Variants in SORCS3 observed in about 807,000 individuals in gnomAD.
SORCS3 encodes VPS10 domain-containing receptor SorCS3.
A neutral mutation model predicts 146.3 loss-of-function variants in SORCS3; 57 were observed. The ratio of observed to expected loss-of-function variants is 0.39; its 90% confidence interval spans 0.31 to 0.49. The LOEUF (loss-of-function observed/expected upper bound fraction) is 0.49. Ranked by LOEUF, SORCS3 falls within the 20% of genes least tolerant of loss-of-function variation. The pLI, the probability that SORCS3 is intolerant of heterozygous loss-of-function variation, is 0.92. For synonymous variants in SORCS3, 653 were observed against 618.5 expected, an observed-to-expected ratio of 1.06 and a Z score of -0.83; for missense variants, 1,341 against 1,575.5, an observed-to-expected ratio of 0.85 and a Z score of 2.52.
intron 1 of SORCS3, among the ~76,000 whole-genome samples, chr10:104,735,906 G>C (rs2016765971): frequency 6.6e-6 from 1 of 152,050 alleles, no homozygotes; most frequent in South Asian, 2.1e-4. Flanking sequence ...CCCAAGAAAA[G>C]AAATGCAGCC....
At chr10:104,642,752 C>G (rs2015441505) in intron 1 of SORCS3, among the ~76,000 whole-genome samples, 1 of 152,242 alleles carries the variant, frequency 6.6e-6, no homozygotes, top group African/African-American at 2.4e-5. Context: ...CCACAAACGG[C>G]TCCCTGAGCG....
intron 1 of SORCS3, among the ~76,000 whole-genome samples, chr10:104,736,774 CT>C (rs141199251): frequency 0.016 from 2,268 of 145,926 alleles, 56 homozygotes; most frequent in South Asian, 0.07. Flanking sequence ...GGCATGTTTT[CT>C]TTTTTTTTTT....
intron 4 of SORCS3, among the ~76,000 whole-genome samples, chr10:105,000,620 G>A (rs2055055366): frequency 6.6e-6 from 1 of 152,072 alleles, no homozygotes; most frequent in South Asian, 2.1e-4. Context: ...CATATTCATA[G>A]CTACAGCTAG....
chr10:105,085,963 C>T (rs1434397483), intron 5 of SORCS3, among the ~76,000 whole-genome samples: 3 of 152,122 alleles, frequency 2.0e-5, no homozygotes, highest in African/African-American at 7.2e-5. Flanking sequence ...ATATTACCAC[C>T]TCTCTCTCTA....
chr10:105,046,846 A>T (rs2055375751), intron 5 of SORCS3, among the ~76,000 whole-genome samples: 1 of 152,016 alleles, frequency 6.6e-6, no homozygotes, highest in Non-Finnish European at 1.5e-5. Flanking sequence ...CTCACTTGAT[A>T]CCTGGTCACC....
intron 16 of SORCS3, among the ~76,000 whole-genome samples, chr10:105,209,172 G>A (rs749737846): frequency 3.3e-5 from 5 of 151,688 alleles, no homozygotes; most frequent in Middle Eastern, 3.2e-3. Flanking sequence ...ACGGAGTTTC[G>A]CTCTTGTTGC....
intron 5 of SORCS3, among the ~76,000 whole-genome samples, chr10:105,064,484 C>T (rs1450774387): frequency 6.6e-6 from 1 of 152,170 alleles, no homozygotes; most frequent in Non-Finnish European, 1.5e-5. Context: ...CTTCTGTAAG[C>T]TGGAGACCCA....
At chr10:105,060,148 G>A (rs541507071) in intron 5 of SORCS3, among the ~76,000 whole-genome samples, 1 of 152,134 alleles carries the variant, frequency 6.6e-6, no homozygotes, top group African/African-American at 2.4e-5. Flanking sequence ...GGAATTTGAG[G>A]GGGGTTTGAA....
intron 3 of SORCS3, among the ~76,000 whole-genome samples, chr10:104,948,265 T>C (rs1256348610): frequency 6.6e-6 from 1 of 152,160 alleles, no homozygotes; most frequent in Non-Finnish European, 1.5e-5. Context: ...GGGGTTATGC[T>C]GTGCCAGACA....
intron 2 of SORCS3, among the ~76,000 whole-genome samples, chr10:104,846,406 C>G (rs899502579): frequency 1.3e-5 from 2 of 152,074 alleles, no homozygotes; most frequent in South Asian, 2.1e-4. Flanking sequence ...AAACATGCAC[C>G]CTTTCAGCTT....
At chr10:105,191,888 A>G (rs1342136664) in intron 14 of SORCS3, among the ~76,000 whole-genome samples, 1 of 152,164 alleles carries the variant, frequency 6.6e-6, no homozygotes, top group East Asian at 1.9e-4. Context: ...CCCTGTTCCT[A>G]AACATTTAAT....
At chr10:104,709,064 G>T (rs1224395521) in intron 1 of SORCS3, among the ~76,000 whole-genome samples, 1 of 152,178 alleles carries the variant, frequency 6.6e-6, no homozygotes, top group Admixed American at 6.5e-5. Context: ...CAGCAATTCT[G>T]TCTAGCCCTC....
intron 1 of SORCS3, among the ~76,000 whole-genome samples, chr10:104,767,133 G>A (rs1185127052): frequency 6.6e-6 from 1 of 152,180 alleles, no homozygotes; most frequent in Non-Finnish European, 1.5e-5. Context: ...CTGATTAAAT[G>A]TGGTTCTGAC....
chr10:104,653,940 C>T (rs969322460), intron 1 of SORCS3, among the ~76,000 whole-genome samples: 1 of 151,990 alleles, frequency 6.6e-6, no homozygotes, highest in Admixed American at 6.6e-5. Flanking sequence ...ATAATCCCCA[C>T]CTCCCCCTCT....
chr10:105,223,344 G>A, intron 20 of SORCS3, 95 bp downstream of exon 20: 1 of 1,252,764 alleles, frequency 8.0e-7, no homozygotes, highest in Non-Finnish European at 1.1e-6. Context: ...TGAGAATGCA[G>A]GCAATAAGAG....
intron 4 of SORCS3, among the ~76,000 whole-genome samples, chr10:105,006,937 A>C (rs2055099890): frequency 6.6e-6 from 1 of 152,174 alleles, no homozygotes; most frequent in Non-Finnish European, 1.5e-5. Flanking sequence ...CTCCCAGTAG[A>C]ATTAGAGCTC....
intron 4 of SORCS3, among the ~76,000 whole-genome samples, chr10:105,013,521 A>T (rs988005460): frequency 1.3e-5 from 2 of 152,156 alleles, no homozygotes; most frequent in Admixed American, 6.5e-5. Flanking sequence ...GCAAAATCAA[A>T]TGGATTTTTA....
chr10:104,747,359 G>A (rs919320398), intron 1 of SORCS3, among the ~76,000 whole-genome samples: 16 of 152,172 alleles, frequency 1.1e-4, no homozygotes, highest in African/African-American at 3.9e-4. Context: ...AGCATATTGG[G>A]AATGCTGAAC....
At chr10:104,672,531 C>G (rs2015867617) in intron 1 of SORCS3, among the ~76,000 whole-genome samples, 1 of 151,798 alleles carries the variant, frequency 6.6e-6, no homozygotes, top group South Asian at 2.1e-4. Context: ...TTTCTAGATT[C>G]TTAAGTTAGG....
Sources: gnomAD v4.1 joint callset for allele counts (sites outside exome capture counted in the v4.1 genomes callset) on GRCh38, gnomAD v4.1.1 for gene constraint, MANE v1.5 for transcripts, NCBI Gene and HGNC (gene_info 2026-07-23, HGNC 2026-07-21) for gene names.